Variants in CFAP46 observed in about 807,000 individuals in gnomAD.
CFAP46 encodes cilia- and flagella-associated protein 46.
In CFAP46, 245 loss-of-function variants were observed where a neutral mutation model predicts 325.7. That is an observed-to-expected ratio of 0.75 (90% CI 0.68 to 0.84). The LOEUF is 0.84. Among genes scored for constraint, CFAP46 ranks in the 40% least tolerant of loss-of-function variants. The pLI is 0.00. For missense variants in CFAP46, 3,346 were observed against 3,543.0 expected (o/e 0.94, Z 1.41); for synonymous variants, 1,523 against 1,495.9 (o/e 1.02, Z -0.42).
intron 32 of CFAP46, among the ~76,000 whole-genome samples, chr10:132,870,834 A>G (rs1200058601): frequency 6.7e-6 from 1 of 149,124 alleles, no homozygotes; most frequent in Non-Finnish European, 1.5e-5. Flanking sequence ...AGCTAATAAG[A>G]GCATGGATGG....
Position 132,919,938 on chromosome 10 carries a change from G to A in CFAP46, c.1730+121C>T. The stretch of plus-strand genomic sequence containing the variant: ...TCGTCCCACCATCCTGGAGCAGGTG[G>A]CCTGGCGAGTCCCCAGACGGCCACA... On this transcript the variant is annotated intron_variant, in intron 14 of 57. Transcript: ENST00000368586. This position sits in a 1 kb window ranked among gnomAD's most constrained non-coding sequence, Gnocchi z 9.7. The A allele has an allele frequency of 7.7e-7, 1 of 1,295,300 alleles. No individual in the cohort carries two copies. Among genetic ancestry groups the A allele is most frequent in the Non-Finnish European group, 1.0e-6 (1 of 986,884 alleles). 80.2% of individuals were successfully genotyped at this position (1,295,300 alleles called of 1,614,324 possible).
chr10:132,859,175 C>G lies in CFAP46; in HGVS notation c.5271G>C (p.Leu1757=). The change falls in exon 38 of 58, where the codon CTG becomes CTC. Residue 1757 remains leucine (L), a synonymous_variant. Transcript: ENST00000368586. ...VTEPTECSLL[L]KEMDDGLLEI... ...CCAACAGGCCATCATCCATCTCTTT[C>G]AGTAGCAACGAGCACTCTGTGGGTT... 6.4e-7 allele frequency: 1 copy of G among 1,550,724 alleles called. No individual in the cohort carries two copies. The highest frequency in any genetic ancestry group is 8.7e-7 in the Non-Finnish European group (1 of 1,147,022).
chr10:132,855,177 T>C (rs923576878), intron 39 of CFAP46, among the ~76,000 whole-genome samples: 6 of 152,114 alleles, frequency 3.9e-5, no homozygotes, highest in East Asian at 3.9e-4. Flanking sequence ...TTTTATTTTA[T>C]CAGTTTTTGC....
At chr10:132,888,391 C>T (rs1490634894) in intron 25 of CFAP46, among the ~76,000 whole-genome samples, 2 of 66,768 alleles carry the variant, frequency 3.0e-5, no homozygotes, top group South Asian at 5.8e-4. Flanking sequence ...CTGCCGCCTG[C>T]ACCCCTGCCG....
chr10:132,859,136 C>T lies in CFAP46; in HGVS notation c.5310G>A (p.Lys1770=), dbSNP rs1848688986. The T allele has an allele frequency of 6.4e-7, 1 of 1,550,892 alleles. No individual in the cohort carries two copies. Among genetic ancestry groups the T allele is most frequent in the African/African-American group, 1.4e-5 (1 of 73,044 alleles). ...TCTCTTTGCAGCCACAGTCGATAAA[C>T]TTTCTCTCAATTTCCAACAGGCCAT... ...MDDGLLEIER[K]FIDCGCKENC... Residue 1770 remains lysine (K), a synonymous_variant, in exon 38 of 58, where the codon AAG becomes AAA. Transcript: ENST00000368586.
intron 11 of CFAP46, among the ~76,000 whole-genome samples, chr10:132,923,640 C>G (rs556347545): frequency 1.2e-4 from 18 of 152,182 alleles, no homozygotes; most frequent in African/African-American, 4.3e-4. Context: ...CAGGAGCCTG[C>G]GTTTGATGGC....
intron 13 of CFAP46, among the ~76,000 whole-genome samples, chr10:132,920,623 G>A (rs1039096492): frequency 5.3e-5 from 8 of 152,194 alleles, no homozygotes; most frequent in Non-Finnish European, 1.2e-4. Context: ...AAATAATCAC[G>A]AGCACCCGGA....
intron 44 of CFAP46, among the ~76,000 whole-genome samples, chr10:132,844,247 C>T (rs768044288): frequency 1.3e-5 from 2 of 152,036 alleles, no homozygotes; most frequent in African/African-American, 2.4e-5. Flanking sequence ...CTAGCTGCAG[C>T]GCAGTGACCT....
intron 39 of CFAP46, among the ~76,000 whole-genome samples, chr10:132,853,682 A>T (rs1210798041): frequency 6.6e-6 from 1 of 152,026 alleles, no homozygotes; most frequent in Admixed American, 6.5e-5. Context: ...ATTACAAATT[A>T]AAAATTTAAA....
chr10:132,895,510 T>C (rs1382508610), intron 24 of CFAP46, among the ~76,000 whole-genome samples: 1 of 148,654 alleles, frequency 6.7e-6, no homozygotes, highest in African/African-American at 2.5e-5. Context: ...TGTGCTATAC[T>C]GGAAAAGAAG....
In CFAP46 at chr10:132,885,706, G is replaced by A. The variant is rs561389192; in HGVS notation, c.3443+115C>T. The A allele has an allele frequency of 2.1e-4, 166 of 791,756 alleles. 1 individual carries two copies. Among genetic ancestry groups the A allele is most frequent in the Middle Eastern group, 1.3e-3 (3 of 2,280 alleles). 49.0% of individuals were successfully genotyped at this position (791,756 alleles called of 1,614,324 possible). On this transcript the variant is annotated intron_variant, in intron 26 of 57. Transcript: ENST00000368586. ...CACTCCGGTGGGGGAGCACACCCCC[G>A]GTGGGGATGCAGTGGGTGGAGCACT...
intron 50 of CFAP46, among the ~76,000 whole-genome samples, chr10:132,829,366 T>A (rs1306482356): frequency 6.6e-6 from 1 of 152,264 alleles, no homozygotes; most frequent in African/African-American, 2.4e-5. Flanking sequence ...TAGTTAGTTA[T>A]ATAGAAATGC....
rs528921797 is a variant in CFAP46, at chr10:132,855,707, G to A, written c.5574+1883C>T. On this transcript the variant is annotated intron_variant, in intron 39 of 57. Coordinates refer to ENST00000368586, the MANE Select transcript of CFAP46 (RefSeq NM_001200049.3). The stretch of plus-strand genomic sequence containing the variant: ...TCTGTATTCTGGTATTTCTGTGGCT[G>A]TTTTGGTATGTAGTGTATGATATCA... 7.9e-5 allele frequency among the ~76,000 whole-genome samples: 12 copies of A among 152,262 alleles called. No individual in the cohort carries two copies. In the South Asian group the frequency reaches 1.0e-3, roughly 13 times the overall value.
In CFAP46 at chr10:132,922,556, G is replaced by A. The variant is rs41301115; in HGVS notation, c.1409C>T (p.Thr470Ile). 1 of 1,548,186 alleles carries A rather than the reference G, an allele frequency of 6.5e-7. No homozygotes were observed. The highest frequency in any genetic ancestry group is 1.2e-5 in the South Asian group (1 of 84,032). ...LYRDRIQMAS[T>I]RLRLCTTLYQ... ...TAGCGTGGTGCACAGACGCAGCCGG[G>A]TGGAGGCCATCTGGATCCTGTCCCG... Residue 470 changes from threonine to isoleucine, a missense_variant, in exon 12 of 58, where the codon ACC becomes ATC. Thr to Ile is a moderately conservative substitution (Grantham distance 89, BLOSUM62 -1). Transcript: ENST00000368586.
At chr10:132,885,695 A>C in intron 26 of CFAP46, 126 bp downstream of exon 26, 2 of 707,018 alleles carry the variant, frequency 2.8e-6, no homozygotes, top group Non-Finnish European at 4.0e-6. Context: ...CCGGTGGGGG[A>C]GCACACCCCC....
intron 25 of CFAP46, among the ~76,000 whole-genome samples, chr10:132,888,303 T>C (rs1849196866): frequency 7.1e-6 from 1 of 140,300 alleles, no homozygotes; most frequent in African/African-American, 2.8e-5. Flanking sequence ...TTCCATAGCC[T>C]GTACCCCTGC....
chr10:132,929,971 G>A (rs1849868302), intron 8 of CFAP46, among the ~76,000 whole-genome samples, 167 bp from the exon 9 acceptor site: 1 of 152,092 alleles, frequency 6.6e-6, no homozygotes, highest in South Asian at 2.1e-4. Flanking sequence ...GGAGGCCCCA[G>A]CAGGGCTTCA....
intron 22 of CFAP46, among the ~76,000 whole-genome samples, chr10:132,903,413 A>C (rs1849416211): frequency 6.6e-6 from 1 of 151,980 alleles, no homozygotes; most frequent in Non-Finnish European, 1.5e-5. Flanking sequence ...TACAGCCTCA[A>C]GCCCTGACCC....
intron 39 of CFAP46, among the ~76,000 whole-genome samples, chr10:132,857,361 G>A (rs1300576238): frequency 1.3e-5 from 2 of 152,242 alleles, no homozygotes; most frequent in Non-Finnish European, 2.9e-5. Flanking sequence ...GGTGAGCTCG[G>A]ACCTTAGCTC....
Sources: allele counts gnomAD v4.1 joint callset (sites outside exome capture counted in the v4.1 genomes callset), GRCh38; gene constraint gnomAD v4.1.1; non-coding constraint Gnocchi (gnomAD v3.1); transcripts MANE v1.5; gene names NCBI Gene and HGNC (gene_info 2026-07-23, HGNC 2026-07-21).